Variants in NOL4 observed in about 807,000 individuals in gnomAD.
The protein encoded by NOL4 is cancer/testis antigen 125.
Under a neutral mutation model 75.9 loss-of-function variants are expected in NOL4, and 17 were observed. The ratio of observed to expected loss-of-function variants is 0.22; its 90% CI spans 0.15 to 0.34. The LOEUF is 0.34. Ranked by LOEUF, NOL4 falls within the 10% of genes least tolerant of loss-of-function variation. The probability of loss-of-function intolerance (pLI) is 1.00; values close to 1 mark genes in which losing one functional copy is unlikely to be tolerated. For missense variants in NOL4, 614 were observed against 793.5 expected (o/e 0.77, Z 2.72); for synonymous variants, 292 against 289.9 (o/e 1.01, Z -0.07).
At chr18:34,117,632 T>C (rs1264855694) in intron 2 of NOL4, among the ~76,000 whole-genome samples, 6 of 152,204 alleles carry the variant, frequency 3.9e-5, no homozygotes, top group Non-Finnish European at 8.8e-5. Context: ...TAACAGGCCA[T>C]CTGTTCCATT....
At chr18:33,986,802 A>G (rs1295362053) in intron 6 of NOL4, among the ~76,000 whole-genome samples, 1 of 152,162 alleles carries the variant, frequency 6.6e-6, no homozygotes, top group Non-Finnish European at 1.5e-5. Context: ...AGTTCACACA[A>G]AAACCTGTTT....
chr18:34,006,033 T>C (rs2074009352), intron 6 of NOL4, among the ~76,000 whole-genome samples: 1 of 152,090 alleles, frequency 6.6e-6, no homozygotes, highest in Admixed American at 6.6e-5. Flanking sequence ...TTTTTGCATA[T>C]AAAAACTGAC....
chr18:34,166,739 TA>T lies in NOL4; in HGVS notation c.265-36720del, dbSNP rs1204436974. On this transcript the variant is annotated intron_variant, in intron 1 of 10. Coordinates refer to ENST00000261592, the MANE Select transcript of NOL4 (RefSeq NM_003787.5). ...AATAATATTTGGGAAAAAATAAAAA[TA>T]TAATAGTAAAAAAAAGGCCGGGCGC... Among the ~76,000 whole-genome samples, 2 of 115,828 alleles carry T rather than the reference TA, an allele frequency of 1.7e-5. 1 individual carries two copies. The highest frequency in any genetic ancestry group is 3.9e-5 in the Non-Finnish European group (2 of 51,562). 76.0% of individuals were successfully genotyped at this position (115,828 alleles called of 152,430 possible).
chr18:33,984,694 C>T (rs1198556848), intron 6 of NOL4, among the ~76,000 whole-genome samples: 1 of 152,126 alleles, frequency 6.6e-6, no homozygotes, highest in Non-Finnish European at 1.5e-5. Flanking sequence ...GAAGCAGATG[C>T]TGTCCAGCCT....
chr18:34,049,072 GCGCACACACACACACACACA>G (rs1215979722), intron 5 of NOL4, among the ~76,000 whole-genome samples: 8 of 126,346 alleles, frequency 6.3e-5, no homozygotes, highest in East Asian at 5.1e-4. Context: ...ATACAGGCGC[GCGCACACACACACACACACA>G]CACACACACA....
At chr18:33,901,932 T>C (rs1328871076) in intron 9 of NOL4, among the ~76,000 whole-genome samples, 1 of 152,002 alleles carries the variant, frequency 6.6e-6, no homozygotes, top group Non-Finnish European at 1.5e-5. Flanking sequence ...GCTATGAATA[T>C]GAAGATGTAT....
At chr18:34,142,067 G>A (rs996087413) in intron 1 of NOL4, among the ~76,000 whole-genome samples, 2 of 152,082 alleles carry the variant, frequency 1.3e-5, no homozygotes, top group African/African-American at 4.8e-5. Context: ...GCAGCCAACA[G>A]ACACATGAAA....
intron 6 of NOL4, among the ~76,000 whole-genome samples, chr18:34,010,133 A>T (rs2146319430): frequency 6.6e-6 from 1 of 151,890 alleles, no homozygotes; most frequent in East Asian, 1.9e-4. Context: ...CCTATTAACC[A>T]TCTACACTTC....
intron 6 of NOL4, among the ~76,000 whole-genome samples, chr18:33,996,178 A>AAGGAG (rs1276716893): frequency 6.6e-6 from 1 of 151,724 alleles, no homozygotes; most frequent in Non-Finnish European, 1.5e-5. Context: ...GTTAGATAAG[A>AAGGAG]AGGAGATAGG....
At chr18:34,208,235 TG>T (rs1400562002) in intron 1 of NOL4, among the ~76,000 whole-genome samples, 1 of 152,112 alleles carries the variant, frequency 6.6e-6, no homozygotes, top group Admixed American at 6.5e-5. Flanking sequence ...GGAGTTATGT[TG>T]TATATTCCTT....
chr18:33,983,583 A>G (rs2072167741), intron 6 of NOL4, among the ~76,000 whole-genome samples: 1 of 149,736 alleles, frequency 6.7e-6, no homozygotes, highest in African/African-American at 2.5e-5. Flanking sequence ...ATAAATATAT[A>G]TAAATAGGAG....
intron 1 of NOL4, among the ~76,000 whole-genome samples, chr18:34,131,652 G>T (rs762417650): frequency 3.2e-4 from 49 of 152,124 alleles, no homozygotes; most frequent in African/African-American, 1.2e-3. Context: ...TGTATTTATT[G>T]TTTATGGGAA....
At chr18:33,863,638 C>T (rs1283316133) in intron 10 of NOL4, among the ~76,000 whole-genome samples, 1 of 152,198 alleles carries the variant, frequency 6.6e-6, no homozygotes, top group Non-Finnish European at 1.5e-5. Context: ...GGTGGTCTCT[C>T]ACAGCCTTGG....
At chr18:34,023,966 G>A (rs2075185946) in intron 5 of NOL4, among the ~76,000 whole-genome samples, 1 of 151,660 alleles carries the variant, frequency 6.6e-6, no homozygotes, top group Non-Finnish European at 1.5e-5. Flanking sequence ...GTAGAAAAGT[G>A]GTTTCATCAG....
chr18:34,130,061 TAAAC>T, intron 1 of NOL4, 41 bp from the exon 2 acceptor site: 1 of 1,462,254 alleles, frequency 6.8e-7, no homozygotes, highest in Non-Finnish European at 9.1e-7. Context: ...ATAAGATTAA[TAAAC>T]TAATTTGCAT....
At chr18:33,989,802 T>C (rs570826131) in intron 6 of NOL4, among the ~76,000 whole-genome samples, 16 of 152,252 alleles carry the variant, frequency 1.1e-4, no homozygotes, top group African/African-American at 3.6e-4. Context: ...TGTTACAATT[T>C]CCTTACTGTT....
intron 10 of NOL4, among the ~76,000 whole-genome samples, chr18:33,862,790 T>G (rs1222761135): frequency 1.3e-5 from 2 of 152,172 alleles, no homozygotes; most frequent in South Asian, 2.1e-4. Flanking sequence ...GGAGAGGATG[T>G]GGAGAAATAG....
intron 5 of NOL4, among the ~76,000 whole-genome samples, chr18:34,022,696 C>G (rs2075114251): frequency 6.6e-6 from 1 of 151,830 alleles, no homozygotes; most frequent in Non-Finnish European, 1.5e-5. Context: ...AATATAGTAA[C>G]ATTTAATGTA....
Position 33,851,557 on chromosome 18 carries a change from C to G in NOL4, c.*1285G>C, listed in dbSNP as rs2062635150. 6.6e-6 allele frequency: 1 copy of G among 152,362 alleles called. No individual in the cohort carries two copies. The highest frequency in any genetic ancestry group is 6.6e-5 in the Admixed American group (1 of 15,222). The allele number at this position is 152,362 out of a possible 1,614,324, so 9.4% of individuals were successfully genotyped here. On this transcript the variant is annotated 3_prime_UTR_variant, in exon 11 of 11. Coordinates refer to ENST00000261592, the MANE Select transcript of NOL4 (RefSeq NM_003787.5). ...AGGAATGCACAAAGAATTTGTAATC[C>G]AACCAAAGCTAAACAACAGAAAAAA...
Sources: gnomAD v4.1 joint callset for allele counts (sites outside exome capture counted in the v4.1 genomes callset) on GRCh38, gnomAD v4.1.1 for gene constraint, MANE v1.5 for transcripts, NCBI Gene and HGNC (gene_info 2026-07-23, HGNC 2026-07-21) for gene names.